LPAR1: variants seen among roughly 807,000 people sequenced by gnomAD.
LPAR1 encodes the protein lysophosphatidic acid receptor 1.
In LPAR1, 5 loss-of-function variants were observed where a neutral mutation model predicts 23.8. The observed-to-expected ratio is 0.21, with a 90% CI of 0.11 to 0.44. LPAR1 has a LOEUF of 0.44. Ranked by LOEUF, LPAR1 falls within the 20% of genes least tolerant of loss-of-function variation. LPAR1 has a pLI of 0.99. For missense variants in LPAR1, 311 were observed against 482.8 expected (o/e 0.64, Z 3.33); for synonymous variants, 160 against 164.7 (o/e 0.97, Z 0.22).
At chr9:110,959,151 C>T (rs1211012383) in intron 4 of LPAR1, among the ~76,000 whole-genome samples, 2 of 42,780 alleles carry the variant, frequency 4.7e-5, no homozygotes, top group Non-Finnish European at 7.9e-5. Context: ...TAAAAAAAAA[C>T]AGTATGAAGA....
intron 5 of LPAR1, among the ~76,000 whole-genome samples, chr9:110,924,846 C>T (rs539752038): frequency 3.2e-4 from 48 of 152,266 alleles, no homozygotes; most frequent in African/African-American, 1.1e-3. Context: ...AGTCTCTCTC[C>T]TCTAAATTCT....
intron 2 of LPAR1, among the ~76,000 whole-genome samples, chr9:110,974,232 C>T (rs1299133491): frequency 6.6e-6 from 1 of 151,990 alleles, no homozygotes; most frequent in Middle Eastern, 3.2e-3. Flanking sequence ...CCTAGTTTCA[C>T]CAACATGCAA....
chr9:110,887,729 A>C (rs2082794708), intron 5 of LPAR1, among the ~76,000 whole-genome samples: 1 of 152,164 alleles, frequency 6.6e-6, no homozygotes, highest in South Asian at 2.1e-4. Flanking sequence ...TAGAGTAAAA[A>C]AGCTAGCTGA....
chr9:110,966,848 G>A (rs1054772349), intron 4 of LPAR1, among the ~76,000 whole-genome samples: 2 of 152,044 alleles, frequency 1.3e-5, no homozygotes, highest in African/African-American at 4.8e-5. Context: ...CTCTGGTACT[G>A]AACTATTGAC....
chr9:110,945,294 G>C, intron 4 of LPAR1: 1 of 152,180 alleles, frequency 6.6e-6, no homozygotes, highest in East Asian at 1.9e-4. Flanking sequence ...AGGCCAATAA[G>C]ATAGTCAGGG....
At chr9:111,032,489 A>T (rs2097818200) in intron 2 of LPAR1, among the ~76,000 whole-genome samples, 1 of 152,126 alleles carries the variant, frequency 6.6e-6, no homozygotes, top group Non-Finnish European at 1.5e-5. Flanking sequence ...CCCTAGTAAA[A>T]CTAGCACAAA....
chr9:110,979,700 TG>T (rs2096629285), intron 2 of LPAR1, among the ~76,000 whole-genome samples: 1 of 152,010 alleles, frequency 6.6e-6, no homozygotes, highest in South Asian at 2.1e-4. Context: ...TAGAAGACAA[TG>T]AAGCAATGAG....
At chr9:110,892,814 AAGGAAGGAAGGAAGGCAGGC>A (rs1286487302) in intron 5 of LPAR1, among the ~76,000 whole-genome samples, 95 of 102,750 alleles carry the variant, frequency 9.2e-4, no homozygotes, top group African/African-American at 3.9e-3. Flanking sequence ...GGAAGGAAGG[AAGGAAGGAAGGAAGGCAGGC>A]AGGCAGGCAG....
chr9:110,902,483 C>T (rs568523466), intron 5 of LPAR1, among the ~76,000 whole-genome samples: 3 of 152,202 alleles, frequency 2.0e-5, no homozygotes, highest in East Asian at 1.9e-4. Context: ...TGAAGAAGGA[C>T]GTGTTTGCTT....
chr9:111,015,067 G>A (rs1231835647), intron 2 of LPAR1, among the ~76,000 whole-genome samples: 1 of 152,120 alleles, frequency 6.6e-6, no homozygotes, highest in Non-Finnish European at 1.5e-5. Context: ...AAAACCACAT[G>A]AAGACACGGG....
chr9:110,973,225 G>A (rs756889311), intron 3 of LPAR1, among the ~76,000 whole-genome samples: 5 of 152,064 alleles, frequency 3.3e-5, no homozygotes, highest in South Asian at 2.1e-4. Context: ...GTGAAGCTTC[G>A]GATAAAAGTA....
intron 2 of LPAR1, among the ~76,000 whole-genome samples, chr9:110,998,747 T>C (rs564418781): frequency 9.2e-5 from 14 of 152,206 alleles, no homozygotes; most frequent in Non-Finnish European, 1.3e-4. Context: ...CAATAGCAAG[T>C]TCTTCTTAAA....
intron 5 of LPAR1, among the ~76,000 whole-genome samples, chr9:110,933,554 G>A (rs903706633): frequency 1.3e-5 from 2 of 152,122 alleles, no homozygotes; most frequent in Non-Finnish European, 2.9e-5. Context: ...TATGGAACTC[G>A]TAAGCAAGGA....
chr9:111,019,921 A>G (rs1265895170), intron 2 of LPAR1, among the ~76,000 whole-genome samples: 4 of 152,234 alleles, frequency 2.6e-5, no homozygotes, highest in Non-Finnish European at 5.9e-5. Context: ...TAGAAATGTA[A>G]TACAGGGTGC....
At chr9:110,894,768 C>A (rs1226943623) in intron 5 of LPAR1, among the ~76,000 whole-genome samples, 6 of 152,070 alleles carry the variant, frequency 3.9e-5, no homozygotes, top group Non-Finnish European at 1.5e-5. Flanking sequence ...ATAATCCCAG[C>A]CTTTTGGGAG....
intron 2 of LPAR1, among the ~76,000 whole-genome samples, chr9:110,975,337 G>A (rs10980667): frequency 0.12 from 17,573 of 152,200 alleles, 1,328 homozygotes; most frequent in Admixed American, 0.21. Flanking sequence ...GGAAAGATGC[G>A]AGACTGGGAT....
Position 110,935,934 on chromosome 9 carries a change from T to C in LPAR1, c.793+5487A>G, listed in dbSNP as rs146912243. 2.1e-3 allele frequency among the ~76,000 whole-genome samples: 319 copies of C among 152,334 alleles called. 1 individual carries two copies. Among genetic ancestry groups the C allele is most frequent in the Non-Finnish European group, 3.3e-3 (226 of 68,030 alleles). On this transcript the variant is annotated intron_variant, in intron 5 of 5. Transcript: ENST00000683809. ...TCAAAACTCCATCTGGCATACCTAC[T>C]AGGTGCTAATCACACCTGACTACTT...
chr9:110,923,722 A>G (rs957521769), intron 5 of LPAR1, among the ~76,000 whole-genome samples: 1 of 152,210 alleles, frequency 6.6e-6, no homozygotes, highest in Admixed American at 6.5e-5. Flanking sequence ...ACACGCAAGG[A>G]AACTGGAGCT....
chr9:111,026,377 T>A (rs1197649735), intron 2 of LPAR1, among the ~76,000 whole-genome samples: 1 of 152,246 alleles, frequency 6.6e-6, no homozygotes, highest in Non-Finnish European at 1.5e-5. Flanking sequence ...ACATTGATTT[T>A]GTATCCTGAG....
Sources: allele counts gnomAD v4.1 joint callset (sites outside exome capture counted in the v4.1 genomes callset), GRCh38; gene constraint gnomAD v4.1.1; transcripts MANE v1.5; gene names NCBI Gene and HGNC (gene_info 2026-07-23, HGNC 2026-07-21).